PCDHA11: variants seen among roughly 807,000 people sequenced by gnomAD.
PCDHA11 encodes the protein protocadherin alpha-11.
A neutral mutation model predicts 70.3 loss-of-function variants in PCDHA11; 61 were observed. That is an observed-to-expected ratio of 0.87 (90% CI 0.71 to 1.07). PCDHA11 has a LOEUF of 1.07. Among genes scored for constraint, PCDHA11 ranks in the 50% least tolerant of loss-of-function variants. The probability of loss-of-function intolerance (pLI) is 0.00; values close to 1 mark genes in which losing one functional copy is unlikely to be tolerated. For missense variants in PCDHA11, 1,324 were observed against 1,237.5 expected, an observed-to-expected ratio of 1.07 and a Z score of -1.05; for synonymous variants, 633 against 555.1, an observed-to-expected ratio of 1.14 and a Z score of -1.97.
Position 140,945,638 on chromosome 5 carries a change from A to G in PCDHA11, c.2392-33311A>G, listed in dbSNP as rs187448798. ...CATGGTACTGGCATAAAAGACATGTAGACCAATGGAGCAGAATACAGCTCC... is the reference window on the plus strand; with the variant it reads ...CATGGTACTGGCATAAAAGACATGTGGACCAATGGAGCAGAATACAGCTCC... On this transcript the variant is annotated intron_variant, in intron 1 of 3. Transcript: ENST00000398640. 2.6e-5 allele frequency among the ~76,000 whole-genome samples: 4 copies of G among 152,300 alleles called. No homozygotes were observed. The East Asian group carries it at 5.8e-4, about 22-fold the overall frequency.
intron 1 of PCDHA11, among the ~76,000 whole-genome samples, chr5:140,939,692 A>T (rs2092437980): frequency 6.6e-6 from 1 of 152,222 alleles, no homozygotes; most frequent in African/African-American, 2.4e-5. Context: ...GTGTTGCTGG[A>T]CATTATCATT....
intron 3 of PCDHA11, among the ~76,000 whole-genome samples, chr5:140,991,302 T>C (rs2097443703): frequency 6.6e-6 from 1 of 152,204 alleles, no homozygotes; most frequent in African/African-American, 2.4e-5. Flanking sequence ...ATTACTATTA[T>C]CTTGTCCCGC....
chr5:141,010,118 T>C lies in PCDHA11; in HGVS notation c.*181T>C. 6.2e-7 allele frequency: 1 copy of C among 1,608,728 alleles called. No homozygotes were observed. The highest frequency in any genetic ancestry group is 8.5e-7 in the Non-Finnish European group (1 of 1,177,116). ...TTAACAGGTTTTGTCGTAAAAGCTT[T>C]ACTAAGTCTGGTGTTAACTCTTTCT... On this transcript the variant is annotated 3_prime_UTR_variant, in exon 4 of 4. Transcript: ENST00000398640.
In PCDHA11 at chr5:140,940,501, C is replaced by T. The variant is rs542798581; in HGVS notation, c.2392-38448C>T. Among the ~76,000 whole-genome samples, 272 of 152,010 alleles carry T rather than the reference C, an allele frequency of 1.8e-3. 2 individuals are homozygous for T. The highest frequency in any genetic ancestry group is 6.1e-3 in the African/African-American group (254 of 41,464). Reference sequence around the variant, plus strand: ...TTTTTCAAGACAAGTCTTGCTCCGTCGCTCAGGCGTGATCATAGCTCACTG... The same window carrying T: ...TTTTTCAAGACAAGTCTTGCTCCGTTGCTCAGGCGTGATCATAGCTCACTG... On this transcript the variant is annotated intron_variant, in intron 1 of 3. Coordinates refer to ENST00000398640, the MANE Select transcript of PCDHA11 (RefSeq NM_018902.5).
chr5:140,919,198 A>G (rs545072839), intron 1 of PCDHA11, among the ~76,000 whole-genome samples: 8 of 152,268 alleles, frequency 5.3e-5, no homozygotes, highest in Admixed American at 3.9e-4. Flanking sequence ...TCCTTTTGTC[A>G]TTATAAAATG....
At chr5:140,941,063 TG>T (rs1554213711) in intron 1 of PCDHA11, among the ~76,000 whole-genome samples, 2 of 152,194 alleles carry the variant, frequency 1.3e-5, no homozygotes, top group East Asian at 3.8e-4. Context: ...AGCAGTTTTC[TG>T]GGCTGGAGAG....
At chr5:140,888,967 G>T (rs1434157317) in intron 1 of PCDHA11, among the ~76,000 whole-genome samples, 1 of 152,000 alleles carries the variant, frequency 6.6e-6, no homozygotes, top group African/African-American at 2.4e-5. Flanking sequence ...CAATGTTAAT[G>T]TGTTGAATTT....
chr5:140,871,649 G>A (rs781859029), intron 1 of PCDHA11, 155 bp downstream of exon 1: 23 of 1,265,706 alleles, frequency 1.8e-5, no homozygotes, highest in Admixed American at 8.7e-5. Flanking sequence ...AATACCAAAT[G>A]ATACACATCT....
chr5:140,982,071 G>A (rs1484711558), intron 2 of PCDHA11, among the ~76,000 whole-genome samples: 12 of 151,172 alleles, frequency 7.9e-5, no homozygotes, highest in Admixed American at 7.9e-4. Flanking sequence ...TTCTTCTTTA[G>A]AGTAGAGAAC....
intron 3 of PCDHA11, among the ~76,000 whole-genome samples, chr5:141,005,018 T>G (rs2098193299): frequency 6.6e-6 from 1 of 152,250 alleles, no homozygotes; most frequent in Non-Finnish European, 1.5e-5. Context: ...AGCTGCATTA[T>G]ATATAATTGC....
intron 1 of PCDHA11, chr5:140,882,952 G>A (rs782634608): frequency 3.7e-6 from 6 of 1,614,048 alleles, no homozygotes; most frequent in Non-Finnish European, 5.1e-6. Flanking sequence ...CAGTTCAGCT[G>A]CTCATCACGA....
intron 1 of PCDHA11, chr5:140,876,084 A>G: frequency 6.2e-7 from 1 of 1,613,962 alleles, no homozygotes; most frequent in Non-Finnish European, 8.5e-7. Context: ...ACAGAGAGCA[A>G]ACGCCAAAAC....
At chr5:140,951,523 G>A (rs868992487) in intron 1 of PCDHA11, among the ~76,000 whole-genome samples, 1 of 151,994 alleles carries the variant, frequency 6.6e-6, no homozygotes, top group Non-Finnish European at 1.5e-5. Context: ...ATCTTACATG[G>A]CCGGTGCAGG....
intron 1 of PCDHA11, among the ~76,000 whole-genome samples, chr5:140,878,484 A>G (rs1285844908): frequency 6.6e-6 from 1 of 152,190 alleles, no homozygotes; most frequent in African/African-American, 2.4e-5. Flanking sequence ...CAATTTAAAA[A>G]TATTTAACCA....
intron 3 of PCDHA11, among the ~76,000 whole-genome samples, chr5:140,986,734 C>T (rs2153854061): frequency 6.6e-6 from 1 of 152,260 alleles, no homozygotes; most frequent in Non-Finnish European, 1.5e-5. Context: ...TCTCAAGACC[C>T]CAGGGGATCT....
At chr5:140,983,771 A>G (rs963720761) in intron 3 of PCDHA11, among the ~76,000 whole-genome samples, 2 of 152,222 alleles carry the variant, frequency 1.3e-5, no homozygotes, top group Admixed American at 6.5e-5. Flanking sequence ...ATACATATCT[A>G]CATACATAAC....
At chr5:140,899,228 T>G (rs1194169721) in intron 1 of PCDHA11, among the ~76,000 whole-genome samples, 1 of 152,126 alleles carries the variant, frequency 6.6e-6, no homozygotes, top group Non-Finnish European at 1.5e-5. Context: ...CAACACTATG[T>G]TGAATAGGAG....
intron 1 of PCDHA11, among the ~76,000 whole-genome samples, chr5:140,887,774 C>G (rs2061572628): frequency 6.6e-6 from 1 of 152,168 alleles, no homozygotes; most frequent in Non-Finnish European, 1.5e-5. Context: ...TACAATGACA[C>G]AGGTCATTGA....
intron 1 of PCDHA11, chr5:140,876,811 G>A (rs2153346110): frequency 9.3e-6 from 15 of 1,614,218 alleles, no homozygotes; most frequent in Non-Finnish European, 1.3e-5. Context: ...GGAGGTGGCC[G>A]ACGTGAACGA....
Sources: gnomAD v4.1 joint callset for allele counts (sites outside exome capture counted in the v4.1 genomes callset) on GRCh38, gnomAD v4.1.1 for gene constraint, MANE v1.5 for transcripts, NCBI Gene and HGNC (gene_info 2026-07-23, HGNC 2026-07-21) for gene names.